Variants in CCDC91 observed in about 807,000 individuals in gnomAD.
CCDC91 encodes coiled-coil domain containing 91.
Under a neutral mutation model 63.2 loss-of-function variants are expected in CCDC91, and 48 were observed. That is an observed-to-expected ratio of 0.76 (90% CI 0.60 to 0.97). CCDC91 has a LOEUF of 0.97. Ranked by LOEUF, CCDC91 falls within the 50% of genes least tolerant of loss-of-function variation. CCDC91 has a pLI of 0.00. For synonymous variants in CCDC91, 167 were observed against 165.8 expected, an observed-to-expected ratio of 1.01 and a Z score of -0.06; for missense variants, 500 against 494.6, an observed-to-expected ratio of 1.01 and a Z score of -0.10.
chr12:28,547,506 G>A (rs139188825), intron 12 of CCDC91, among the ~76,000 whole-genome samples: 2,498 of 152,190 alleles, frequency 0.016, 26 homozygotes, highest in South Asian at 0.029. Context: ...TAGGGATAAA[G>A]TAGTTAGCAA....
intron 3 of CCDC91, among the ~76,000 whole-genome samples, chr12:28,284,580 G>A (rs145315419): frequency 0.012 from 1,832 of 151,942 alleles, 11 homozygotes; most frequent in Middle Eastern, 0.017. Context: ...TTGAATCCAG[G>A]AGGTGGAAAT....
intron 6 of CCDC91, among the ~76,000 whole-genome samples, chr12:28,350,904 C>A (rs578182475): frequency 1.3e-5 from 2 of 152,168 alleles, no homozygotes; most frequent in African/African-American, 4.8e-5. Flanking sequence ...AAATCTTTAC[C>A]TCATGGGTCC....
Position 28,391,332 on chromosome 12 carries a change from A to G in CCDC91, c.683A>G (p.Gln228Arg). 6.2e-7 allele frequency: 1 copy of G among 1,612,926 alleles called. No homozygotes were observed. The highest frequency in any genetic ancestry group is 1.3e-5 in the African/African-American group (1 of 75,028). Residue 228 changes from glutamine (Q) to arginine (R), a missense_variant, in exon 8 of 13, where the codon CAA (glutamine) becomes CGA (arginine). Coordinates refer to ENST00000536442, the MANE Select transcript of CCDC91 (RefSeq NM_018318.5). ...KALLQSSVKQ[Q>R]VEAIEKQYIS... ...CTACTGCAGTCTTCAGTTAAGCAAC[A>G]AGTAGAAGCTATTGAAAAACAGTAC... is the stretch of plus-strand genomic sequence containing the variant.
intron 3 of CCDC91, among the ~76,000 whole-genome samples, chr12:28,269,508 C>T (rs1191868559): frequency 6.6e-6 from 1 of 152,068 alleles, no homozygotes; most frequent in African/African-American, 2.4e-5. Context: ...GACTTAAGCA[C>T]CTTTTTTTCC....
chr12:28,521,769 G>C (rs1194757157), intron 12 of CCDC91, among the ~76,000 whole-genome samples: 1 of 152,114 alleles, frequency 6.6e-6, no homozygotes, highest in East Asian at 1.9e-4. Context: ...TTTACTAAGA[G>C]TTTTTAGCTT....
chr12:28,358,234 AT>A (rs1943646736), intron 6 of CCDC91, among the ~76,000 whole-genome samples: 1 of 152,136 alleles, frequency 6.6e-6, no homozygotes, highest in Admixed American at 6.5e-5. Context: ...AAGAACATTG[AT>A]TTTATTCTCA....
chr12:28,251,218 T>C (rs1946098818), intron 1 of CCDC91, among the ~76,000 whole-genome samples: 1 of 151,984 alleles, frequency 6.6e-6, no homozygotes, highest in Non-Finnish European at 1.5e-5. Context: ...ATCAGATAAT[T>C]TGGGTGGTCT....
At chr12:28,527,623 T>TG (rs137912051) in intron 12 of CCDC91, among the ~76,000 whole-genome samples, 14,989 of 151,632 alleles carry the variant, frequency 0.099, 1,933 homozygotes, top group African/African-American at 0.3. Flanking sequence ...TATGGGAGTA[T>TG]GGGGGGGGAA....
intron 11 of CCDC91, among the ~76,000 whole-genome samples, chr12:28,477,731 A>G (rs1467724946): frequency 1.3e-5 from 2 of 152,178 alleles, no homozygotes; most frequent in Non-Finnish European, 2.9e-5. Flanking sequence ...CTTAGCCCCA[A>G]ATCTCCTTAA....
intron 3 of CCDC91, among the ~76,000 whole-genome samples, chr12:28,278,206 G>GC (rs1206475698): frequency 2.0e-5 from 3 of 151,882 alleles, no homozygotes; most frequent in African/African-American, 7.3e-5. Context: ...TATACTGTTA[G>GC]CTAGTCTCTT....
At chr12:28,479,660 G>A (rs1951335616) in intron 11 of CCDC91, among the ~76,000 whole-genome samples, 1 of 151,768 alleles carries the variant, frequency 6.6e-6, no homozygotes, top group Admixed American at 6.6e-5. Context: ...TTGTATGTTG[G>A]GATTACAAAC....
At chr12:28,393,657 T>A (rs1161742187) in intron 8 of CCDC91, among the ~76,000 whole-genome samples, 1 of 152,258 alleles carries the variant, frequency 6.6e-6, no homozygotes, top group Non-Finnish European at 1.5e-5. Context: ...TACTACTTGC[T>A]GCAAGGCCAA....
At chr12:28,295,855 A>T (rs1221341238) in intron 3 of CCDC91, among the ~76,000 whole-genome samples, 1 of 151,896 alleles carries the variant, frequency 6.6e-6, no homozygotes, top group East Asian at 1.9e-4. Flanking sequence ...GTGTGATATA[A>T]TTTTTTTCTT....
intron 8 of CCDC91, among the ~76,000 whole-genome samples, chr12:28,394,007 A>G (rs1278870410): frequency 6.6e-6 from 1 of 152,232 alleles, no homozygotes; most frequent in Non-Finnish European, 1.5e-5. Flanking sequence ...GTGATAAGAA[A>G]CTTGTATTCT....
At chr12:28,265,418 A>G (rs1947119800) in intron 3 of CCDC91, among the ~76,000 whole-genome samples, 1 of 152,082 alleles carries the variant, frequency 6.6e-6, no homozygotes, top group Non-Finnish European at 1.5e-5. Context: ...CAAATAAGTT[A>G]GATGTGGTTC....
At position 28,421,222 on chromosome 12, in the gene CCDC91, T is replaced by C. The variant is rs556181760; in HGVS notation, c.763-28939T>C. Among the ~76,000 whole-genome samples, 9 of 152,250 alleles carry C rather than the reference T, an allele frequency of 5.9e-5. No individual in the cohort carries two copies. The South Asian group carries it at 1.5e-3, about 25-fold the overall frequency. On this transcript the variant is annotated intron_variant, in intron 8 of 12. Transcript: ENST00000536442. Reference sequence around the variant, plus strand: ...TTAAAAAACTATGTTTTAAAACTTATTTTAGGTTCAGGGATACATGTGCAG... The same window carrying C: ...TTAAAAAACTATGTTTTAAAACTTACTTTAGGTTCAGGGATACATGTGCAG...
At chr12:28,519,528 C>T (rs1940349138) in intron 12 of CCDC91, among the ~76,000 whole-genome samples, 1 of 151,344 alleles carries the variant, frequency 6.6e-6, no homozygotes, top group South Asian at 2.1e-4. Context: ...TCCTCTTTAC[C>T]AATTTGGATG....
intron 7 of CCDC91, among the ~76,000 whole-genome samples, chr12:28,367,956 G>C (rs569505415): frequency 3.9e-4 from 59 of 152,306 alleles, no homozygotes; most frequent in African/African-American, 1.3e-3. Flanking sequence ...TTGGGTGCAA[G>C]CTGCAACATT....
intron 11 of CCDC91, among the ~76,000 whole-genome samples, chr12:28,453,142 C>T (rs182123356): frequency 9.9e-5 from 15 of 152,054 alleles, no homozygotes; most frequent in African/African-American, 3.6e-4. Context: ...CCTATAGTCT[C>T]ATAAAGATAC....
Sources: gnomAD v4.1 joint callset for allele counts (sites outside exome capture counted in the v4.1 genomes callset) on GRCh38, gnomAD v4.1.1 for gene constraint, MANE v1.5 for transcripts, NCBI Gene and HGNC (gene_info 2026-07-23, HGNC 2026-07-21) for gene names.